The following FBXL5 variants were observed in gnomAD, a reference collection of about 807,000 sequenced individuals.
FBXL5 encodes F-box and leucine rich repeat protein 5.
In FBXL5, 26 loss-of-function variants were observed where a neutral mutation model predicts 78.3. The observed-to-expected ratio is 0.33, with a 90% CI of 0.24 to 0.46. The LOEUF is 0.46. FBXL5 is among the 20% of genes least tolerant of loss of function. The pLI is 1.00. For missense variants in FBXL5, 710 were observed against 829.2 expected (o/e 0.86, Z 1.77); for synonymous variants, 295 against 282.5 (o/e 1.04, Z -0.45).
At chr4:15,611,924 C>G (rs771620716) in intron 10 of FBXL5, 19 of 166,958 alleles carry the variant, frequency 1.1e-4, no homozygotes, top group Non-Finnish European at 2.3e-4. Context: ...ATAAATAGTT[C>G]TAAATTCTTA....
At chr4:15,654,250 A>G (rs1330044412) in intron 1 of FBXL5, among the ~76,000 whole-genome samples, 1 of 152,222 alleles carries the variant, frequency 6.6e-6, no homozygotes, top group African/African-American at 2.4e-5. Context: ...TGAATGCTTT[A>G]TTTAGTTGGA....
Position 15,604,803 on chromosome 4 carries a change from A to G in FBXL5, c.*920T>C, listed in dbSNP as rs1721774888. On this transcript the variant is annotated 3_prime_UTR_variant, in exon 11 of 11. Transcript: ENST00000341285. ...TCATGATGTTTTAACAAAGCAAAGTAGATATACTTACGGATTCAAATTTTG... is the reference window on the plus strand; with the variant it reads ...TCATGATGTTTTAACAAAGCAAAGTGGATATACTTACGGATTCAAATTTTG... 7 of 152,228 alleles carry G rather than the reference A, an allele frequency of 4.6e-5. No homozygotes were observed. The highest frequency in any genetic ancestry group is 4.6e-4 in the Admixed American group (7 of 15,290). The allele number at this position is 152,228 out of a possible 1,614,324, so 9.4% of individuals were successfully genotyped here. A position where few individuals can be genotyped will look rare whatever the true frequency, so the allele number is the denominator to read the frequency against.
chr4:15,614,013 T>C (rs1711535545), intron 9 of FBXL5, among the ~76,000 whole-genome samples: 1 of 152,198 alleles, frequency 6.6e-6, no homozygotes, highest in Non-Finnish European at 1.5e-5. Context: ...TTAAACAACC[T>C]TGTTTTGTCA....
At chr4:15,619,168 A>G (rs987858917) in intron 9 of FBXL5, among the ~76,000 whole-genome samples, 4 of 152,224 alleles carry the variant, frequency 2.6e-5, no homozygotes, top group Non-Finnish European at 5.9e-5. Context: ...GTCTCAAAAA[A>G]AAACCTCTTC....
At chr4:15,650,756 C>T (rs1715920446) in intron 1 of FBXL5, among the ~76,000 whole-genome samples, 1 of 143,808 alleles carries the variant, frequency 7.0e-6, no homozygotes, top group African/African-American at 2.6e-5. Flanking sequence ...CCTTAGCCTC[C>T]TGAGTAGCTG....
intron 5 of FBXL5, among the ~76,000 whole-genome samples, chr4:15,635,113 C>T (rs951008340): frequency 6.6e-6 from 1 of 152,102 alleles, no homozygotes; most frequent in Non-Finnish European, 1.5e-5. Flanking sequence ...GGGTGGATCA[C>T]CTGAGGTCAG....
At chr4:15,634,185 A>ATT (rs544052873) in intron 5 of FBXL5, among the ~76,000 whole-genome samples, 2 of 150,372 alleles carry the variant, frequency 1.3e-5, no homozygotes, top group South Asian at 2.1e-4. Flanking sequence ...ATTTCTATTG[A>ATT]TTTTTTTTTT....
At chr4:15,618,326 GTCTGAAGGCAGCC>G (rs1712118550) in intron 9 of FBXL5, among the ~76,000 whole-genome samples, 1 of 152,130 alleles carries the variant, frequency 6.6e-6, no homozygotes, top group African/African-American at 2.4e-5. Flanking sequence ...ATACCTAGGA[GTCTGAAGGCAGCC>G]TGGGCAACAC....
At chr4:15,617,540 T>C (rs992572563) in intron 9 of FBXL5, among the ~76,000 whole-genome samples, 2 of 119,210 alleles carry the variant, frequency 1.7e-5, no homozygotes, top group Non-Finnish European at 3.5e-5. Context: ...TGAGACTCCA[T>C]GTCTCAAAAA....
chr4:15,676,026 A>T (rs1195228946), intron 1 of FBXL5, among the ~76,000 whole-genome samples: 2 of 152,244 alleles, frequency 1.3e-5, no homozygotes, highest in Non-Finnish European at 2.9e-5. Context: ...TTTTACTATT[A>T]AATTAGCTGT....
chr4:15,627,369 A>T (rs1407159423), intron 7 of FBXL5, among the ~76,000 whole-genome samples: 1 of 152,074 alleles, frequency 6.6e-6, no homozygotes, highest in Non-Finnish European at 1.5e-5. Flanking sequence ...TCCTGACCTC[A>T]TGATCCACCC....
chr4:15,641,331 T>A (rs908231684), intron 2 of FBXL5, among the ~76,000 whole-genome samples: 2 of 152,060 alleles, frequency 1.3e-5, no homozygotes, highest in Non-Finnish European at 2.9e-5. Context: ...TTCACTTAAT[T>A]ACCGATTTTC....
At chr4:15,641,385 C>G in intron 2 of FBXL5, 2 of 347,134 alleles carry the variant, frequency 5.8e-6, no homozygotes, top group South Asian at 4.7e-5. Context: ...AACCCCACCT[C>G]TTCTTCCTCC....
chr4:15,673,030 T>C (rs1339275328), intron 1 of FBXL5, among the ~76,000 whole-genome samples: 3 of 152,186 alleles, frequency 2.0e-5, no homozygotes, highest in Non-Finnish European at 4.4e-5. Flanking sequence ...GGCAATAACA[T>C]GCACAAAGCT....
intron 7 of FBXL5, 72 bp downstream of exon 7, chr4:15,627,813 C>A (rs1713219471): frequency 6.8e-7 from 1 of 1,475,370 alleles, no homozygotes; most frequent in African/African-American, 1.5e-5. Flanking sequence ...TAATTAAACT[C>A]AGGAATGAGC....
At chr4:15,634,524 A>G (rs1714042348) in intron 5 of FBXL5, among the ~76,000 whole-genome samples, 1 of 151,634 alleles carries the variant, frequency 6.6e-6, no homozygotes, top group Admixed American at 6.6e-5. Flanking sequence ...CTGCCACCAC[A>G]CCTGGCTAAT....
intron 9 of FBXL5, among the ~76,000 whole-genome samples, chr4:15,623,888 T>A (rs1450937173): frequency 1.3e-5 from 2 of 151,990 alleles, no homozygotes; most frequent in Admixed American, 6.6e-5. Context: ...AGCAGCATGA[T>A]CTCGGCTCAC....
At chr4:15,630,458 C>T (rs529241496) in intron 6 of FBXL5, among the ~76,000 whole-genome samples, 71 of 152,118 alleles carry the variant, frequency 4.7e-4, no homozygotes, top group Non-Finnish European at 8.7e-4. Context: ...AATATAAAAA[C>T]GAGAAATAAT....
upstream of FBXL5, among the ~76,000 whole-genome samples, chr4:15,662,520 G>C (rs1316120835): frequency 6.6e-6 from 1 of 152,134 alleles, no homozygotes; most frequent in Non-Finnish European, 1.5e-5. Context: ...ATTAAATAAT[G>C]AGACTATCCC....
Sources: allele counts gnomAD v4.1 joint callset (sites outside exome capture counted in the v4.1 genomes callset), GRCh38; gene constraint gnomAD v4.1.1; transcripts MANE v1.5; gene names NCBI Gene and HGNC (gene_info 2026-07-23, HGNC 2026-07-21).